The following LRMDA variants were observed in gnomAD, a reference collection of about 807,000 sequenced individuals.
LRMDA encodes the protein leucine rich melanocyte differentiation associated, also known as leucine-rich melanocyte differentiation-associated protein.
In LRMDA, 18 loss-of-function variants were observed where a neutral mutation model predicts 29.8. The ratio of observed to expected loss-of-function variants is 0.60; its 90% CI spans 0.42 to 0.90. LRMDA has a LOEUF of 0.90. Ranked by LOEUF, LRMDA falls within the 40% of genes least tolerant of loss-of-function variation. The pLI, the probability that LRMDA is intolerant of heterozygous loss-of-function variation, is 0.00. For missense variants in LRMDA, 273 were observed against 273.9 expected, an observed-to-expected ratio of 1.00 and a Z score of 0.02; for synonymous variants, 125 against 109.4, an observed-to-expected ratio of 1.14 and a Z score of -0.89.
At chr10:76,453,803 A>G (rs919548164) in intron 6 of LRMDA, among the ~76,000 whole-genome samples, 1 of 152,228 alleles carries the variant, frequency 6.6e-6, no homozygotes, top group African/African-American at 2.4e-5. Flanking sequence ...TTAGGGTTCT[A>G]ATGTTCATAA....
chr10:76,105,557 G>C (rs1423440561), intron 5 of LRMDA, among the ~76,000 whole-genome samples: 1 of 152,088 alleles, frequency 6.6e-6, no homozygotes, highest in Non-Finnish European at 1.5e-5. Context: ...AGAGACACAG[G>C]GGAGAAGGCC....
At chr10:76,136,718 A>G (rs569863383) in intron 5 of LRMDA, among the ~76,000 whole-genome samples, 1 of 152,310 alleles carries the variant, frequency 6.6e-6, no homozygotes, top group South Asian at 2.1e-4. Flanking sequence ...ATAGATGAGC[A>G]CTTTTTGTTC....
intron 2 of LRMDA, among the ~76,000 whole-genome samples, chr10:75,958,276 T>C (rs1846699733): frequency 6.6e-6 from 1 of 152,184 alleles, no homozygotes; most frequent in African/African-American, 2.4e-5. Flanking sequence ...TGTGAGCAAA[T>C]GTTAAATTAA....
chr10:75,793,555 G>A (rs1843603410), intron 2 of LRMDA, among the ~76,000 whole-genome samples: 1 of 152,200 alleles, frequency 6.6e-6, no homozygotes, highest in African/African-American at 2.4e-5. Flanking sequence ...TCAGGCACAT[G>A]TATAAACAAA....
In LRMDA at chr10:75,726,891, G is replaced by C. The variant is rs146677817; in HGVS notation, c.131+288397G>C. The stretch of plus-strand genomic sequence containing the variant: ...CACTCATGATCATTCTTCCTTTAGA[G>C]CTTGAGTTACTTTCAGATGTGGAGG... On this transcript the variant is annotated intron_variant, in intron 2 of 6. Coordinates refer to ENST00000611255, the MANE Select transcript of LRMDA (RefSeq NM_001305581.2). Among the ~76,000 whole-genome samples the C allele has an allele frequency of 2.6e-3, 400 of 152,326 alleles. 4 individuals are homozygous for C. The highest frequency in any genetic ancestry group is 8.8e-3 in the African/African-American group (366 of 41,580).
intron 5 of LRMDA, among the ~76,000 whole-genome samples, chr10:76,240,506 G>C (rs952923394): frequency 1.3e-4 from 19 of 146,616 alleles, no homozygotes; most frequent in Admixed American, 4.7e-4. Context: ...GTGGTGAAAA[G>C]GGAACACTTT....
At chr10:76,505,633 A>G (rs1842951956) in intron 6 of LRMDA, among the ~76,000 whole-genome samples, 1 of 152,028 alleles carries the variant, frequency 6.6e-6, no homozygotes, top group African/African-American at 2.4e-5. Flanking sequence ...CTTTTTTGAA[A>G]TGGCTATTTT....
intron 2 of LRMDA, among the ~76,000 whole-genome samples, chr10:75,556,969 C>A (rs1437389528): frequency 6.6e-6 from 1 of 151,424 alleles, no homozygotes; most frequent in Non-Finnish European, 1.5e-5. Context: ...CAAAAGAAGG[C>A]CAGAAACTAG....
intron 2 of LRMDA, among the ~76,000 whole-genome samples, chr10:75,607,113 C>T (rs749198160): frequency 9.9e-5 from 15 of 152,118 alleles, no homozygotes; most frequent in Non-Finnish European, 1.9e-4. Context: ...TAGAAATTCC[C>T]GGAACAGTTT....
chr10:76,089,711 T>C (rs1017880792), intron 5 of LRMDA, among the ~76,000 whole-genome samples: 1 of 152,166 alleles, frequency 6.6e-6, no homozygotes, highest in African/African-American at 2.4e-5. Context: ...CAGCTTTCCA[T>C]ATGCACGGAA....
At chr10:76,397,541 C>A (rs1841799626) in intron 6 of LRMDA, among the ~76,000 whole-genome samples, 1 of 152,228 alleles carries the variant, frequency 6.6e-6, no homozygotes, top group East Asian at 1.9e-4. Context: ...AGTCTCCCTT[C>A]CAAAACCACA....
At chr10:75,511,777 G>A (rs1183493630) in intron 2 of LRMDA, among the ~76,000 whole-genome samples, 1 of 152,160 alleles carries the variant, frequency 6.6e-6, no homozygotes, top group African/African-American at 2.4e-5. Flanking sequence ...TTCATATGAG[G>A]CACTTTCCCT....
At chr10:75,448,761 T>C (rs1488693008) in intron 2 of LRMDA, among the ~76,000 whole-genome samples, 1 of 152,144 alleles carries the variant, frequency 6.6e-6, no homozygotes, top group African/African-American at 2.4e-5. Context: ...CTTGATGAGC[T>C]TCATGATAAA....
At chr10:75,449,249 T>A (rs532576310) in intron 2 of LRMDA, among the ~76,000 whole-genome samples, 15 of 152,248 alleles carry the variant, frequency 9.9e-5, no homozygotes, top group Non-Finnish European at 2.9e-5. Context: ...TTACATATGT[T>A]ATCTCATTTA....
intron 2 of LRMDA, among the ~76,000 whole-genome samples, chr10:75,835,643 A>T (rs1424664962): frequency 6.6e-6 from 1 of 152,196 alleles, no homozygotes; most frequent in Non-Finnish European, 1.5e-5. Flanking sequence ...TTTCAGTCCC[A>T]CTTGGGCTAC....
At chr10:75,627,762 T>G (rs1465124225) in intron 2 of LRMDA, among the ~76,000 whole-genome samples, 3 of 152,224 alleles carry the variant, frequency 2.0e-5, no homozygotes, top group Non-Finnish European at 4.4e-5. Context: ...TGGGCTTGCT[T>G]CCAATCTGGG....
At chr10:76,422,353 A>G (rs973727589) in intron 6 of LRMDA, among the ~76,000 whole-genome samples, 3 of 151,690 alleles carry the variant, frequency 2.0e-5, no homozygotes, top group Non-Finnish European at 4.4e-5. Flanking sequence ...TTTTCTACAC[A>G]TATTTAGCTC....
chr10:76,211,413 A>T (rs1312257457), intron 5 of LRMDA, among the ~76,000 whole-genome samples: 1 of 151,918 alleles, frequency 6.6e-6, no homozygotes, highest in Non-Finnish European at 1.5e-5. Flanking sequence ...TCTTTCTTCC[A>T]CTCTGCCTTA....
At chr10:76,153,137 C>G (rs11001641) in intron 5 of LRMDA, among the ~76,000 whole-genome samples, 22,903 of 152,082 alleles carry the variant, frequency 0.15, 2,124 homozygotes, top group Admixed American at 0.24. Context: ...CCACGCCTGG[C>G]CTTTTTTGGC....
Sources: allele counts gnomAD v4.1 joint callset (sites outside exome capture counted in the v4.1 genomes callset), GRCh38; gene constraint gnomAD v4.1.1; transcripts MANE v1.5; gene names NCBI Gene and HGNC (gene_info 2026-07-23, HGNC 2026-07-21).